The following SLC12A2 variants were observed in gnomAD, a reference collection of about 807,000 sequenced individuals.
SLC12A2 encodes Na-K-2Cl cotransporter 1.
A neutral mutation model predicts 136.3 loss-of-function variants in SLC12A2; 67 were observed. The ratio of observed to expected loss-of-function variants is 0.49; its 90% CI spans 0.40 to 0.60. The LOEUF (loss-of-function observed/expected upper bound fraction) is 0.60, where lower values mean the gene tolerates loss of function less well. SLC12A2 is among the 20% of genes least tolerant of loss of function. The probability of loss-of-function intolerance (pLI) is 0.00; values close to 1 mark genes in which losing one functional copy is unlikely to be tolerated. For missense variants in SLC12A2, 1,322 were observed against 1,534.7 expected (o/e 0.86, Z 2.32); for synonymous variants, 619 against 562.9 (o/e 1.10, Z -1.41).
At chr5:128,168,057 T>C in intron 18 of SLC12A2, 190 bp downstream of exon 18, 1 of 473,248 alleles carries the variant, frequency 2.1e-6, no homozygotes, top group Non-Finnish European at 3.7e-6. Context: ...TCTTTATATG[T>C]CTCTTTACAT....
Position 128,180,905 on chromosome 5 carries a change from C to A in SLC12A2, c.3123C>A (p.Tyr1041Ter), listed in dbSNP as rs866422362. Reference sequence around the variant, plus strand: ...CAGGTTTGACCTTATTGATACCTTACCTTCTGACGACCAAGAAAAAATGGA... The same window carrying A: ...CAGGTTTGACCTTATTGATACCTTAACTTCTGACGACCAAGAAAAAATGGA... ...DDGGLTLLIPYLLTTKKKWKD... is the reference protein window; with the variant it reads ...DDGGLTLLIP Residue 1041 changes from tyrosine (Y) to a stop codon, truncating the protein, a stop_gained, in exon 23 of 27, where the codon TAC becomes TAA. Coordinates refer to ENST00000262461, the MANE Select transcript of SLC12A2 (RefSeq NM_001046.3). LOFTEE classifies it high-confidence loss of function. 6.2e-7 allele frequency: 1 copy of A among 1,605,938 alleles called. No individual in the cohort carries two copies. Among genetic ancestry groups the A allele is most frequent in the Non-Finnish European group, 8.5e-7 (1 of 1,173,068 alleles).
At chr5:128,134,746 T>C (rs889992475) in intron 6 of SLC12A2, among the ~76,000 whole-genome samples, 1 of 152,070 alleles carries the variant, frequency 6.6e-6, no homozygotes, top group African/African-American at 2.4e-5. Context: ...TAAAGTCACA[T>C]GTTACCCATA....
intron 2 of SLC12A2, among the ~76,000 whole-genome samples, chr5:128,114,000 A>G (rs1324853183): frequency 6.6e-6 from 1 of 152,186 alleles, no homozygotes; most frequent in Admixed American, 6.5e-5. Flanking sequence ...ACACTTTTAT[A>G]TGTTACATTG....
At chr5:128,104,687 A>G (rs1020444733) in intron 1 of SLC12A2, among the ~76,000 whole-genome samples, 2 of 150,734 alleles carry the variant, frequency 1.3e-5, no homozygotes, top group Non-Finnish European at 3.0e-5. Flanking sequence ...AGATATAGAT[A>G]TAGATATATA....
intron 10 of SLC12A2, among the ~76,000 whole-genome samples, 193 bp from the exon 11 acceptor site, chr5:128,147,428 AG>A (rs950443675): frequency 6.6e-6 from 1 of 151,672 alleles, no homozygotes; most frequent in African/African-American, 2.4e-5. Context: ...ACGAATGAAA[AG>A]GTTTTCTTAA....
intron 4 of SLC12A2, among the ~76,000 whole-genome samples, chr5:128,123,904 G>A (rs188274146): frequency 3.1e-4 from 47 of 152,222 alleles, no homozygotes; most frequent in African/African-American, 1.1e-3. Context: ...TCTTCTAGAG[G>A]TTTTACAGCT....
intron 11 of SLC12A2, among the ~76,000 whole-genome samples, chr5:128,148,138 T>C (rs981400408): frequency 5.3e-5 from 8 of 151,750 alleles, no homozygotes; most frequent in African/African-American, 1.9e-4. Context: ...CCTAACGTGA[T>C]ATACACATTG....
rs1309525784 is a variant in SLC12A2, at chr5:128,084,713, G to A, written c.756+3G>A. ...AGCTCCACGACGAGCTGGAAAAGGT[G>A]AGCTCGCCCAGCCCTCCCTTCTTCC... On this transcript the variant is annotated splice_donor_region_variant and intron_variant, in intron 1 of 26. Transcript: ENST00000262461. The surrounding 1 kb of genome is among the most constrained non-coding windows in gnomAD (Gnocchi z 5.6). 6.3e-7 allele frequency: 1 copy of A among 1,578,358 alleles called. No individual in the cohort carries two copies. Among genetic ancestry groups the A allele is most frequent in the Middle Eastern group, 1.7e-4 (1 of 5,970 alleles).
chr5:128,168,087 TACACAC>T, intron 18 of SLC12A2: 1 of 300,252 alleles, frequency 3.3e-6, no homozygotes, highest in South Asian at 6.2e-5. Context: ...TATATATATA[TACACAC>T]ACACACACAT....
At chr5:128,099,616 A>C (rs985875268) in intron 1 of SLC12A2, among the ~76,000 whole-genome samples, 17 of 152,216 alleles carry the variant, frequency 1.1e-4, no homozygotes, top group African/African-American at 3.6e-4. Context: ...AAACACAGAC[A>C]TATTGTACAA....
Position 128,171,888 on chromosome 5 carries a change from T to A in SLC12A2, c.2803+142T>A, listed in dbSNP as rs1763386583. On this transcript the variant is annotated intron_variant, in intron 19 of 26. Transcript: ENST00000262461. The stretch of plus-strand genomic sequence containing the variant: ...TATTGTATGGCATTTTAAGATCACA[T>A]CTGTTTGGCTCCACTAAAGTTTGTG... The A allele has an allele frequency of 9.4e-6, 5 of 529,632 alleles. 1 individual carries two copies. The South Asian group carries it at 1.6e-4, about 17-fold the overall frequency. 32.8% of individuals were successfully genotyped at this position (529,632 alleles called of 1,614,324 possible).
intron 10 of SLC12A2, among the ~76,000 whole-genome samples, chr5:128,142,637 GTT>G (rs1296521428): frequency 6.6e-6 from 1 of 152,028 alleles, no homozygotes; most frequent in Non-Finnish European, 1.5e-5. Context: ...GTATGGGTCT[GTT>G]TTTGGATTCT....
intron 26 of SLC12A2, 95 bp from the exon 27 acceptor site, chr5:128,186,401 G>T: frequency 8.3e-7 from 1 of 1,208,030 alleles, no homozygotes; most frequent in Non-Finnish European, 1.2e-6. Flanking sequence ...TACAGTAACT[G>T]TTATTGTAAT....
rs1759899521 is a variant in SLC12A2 at position 128,083,914 on chromosome 5, C to A, written c.-41C>A. On this transcript the variant is annotated 5_prime_UTR_variant, in exon 1 of 27. Coordinates refer to ENST00000262461, the MANE Select transcript of SLC12A2 (RefSeq NM_001046.3). ...GGTGTGGAGGGCGTGCTGCCGGAGA[C>A]GTCCGCCGGGCTCTGCAGTTCCGCC... The A allele has an allele frequency of 1.6e-6, 2 of 1,215,376 alleles. No homozygotes were observed. Among genetic ancestry groups the A allele is most frequent in the Non-Finnish European group, 2.0e-6 (2 of 976,618 alleles). The allele number at this position is 1,215,376 out of a possible 1,614,324, so 75.3% of individuals were successfully genotyped here. A position where few individuals can be genotyped will look rare whatever the true frequency, so the allele number is the denominator to read the frequency against.
At chr5:128,145,443 A>G (rs559906697) in intron 10 of SLC12A2, among the ~76,000 whole-genome samples, 6 of 152,208 alleles carry the variant, frequency 3.9e-5, no homozygotes, top group South Asian at 2.1e-4. Flanking sequence ...GTCCTTTACA[A>G]TCTCCTTCCC....
chr5:128,138,664 C>T lies in SLC12A2; in HGVS notation c.1476C>T (p.Ala492=). The part of the protein sequence containing the change: ...REEETFFSVF[A]IFFPAATGIL... The stretch of plus-strand genomic sequence containing the variant: ...AAGAGACTTTCTTTTCTGTATTTGC[C>T]ATCTTTTTTCCTGCTGCAACTGGTA... The change falls in exon 8 of 27, where the codon GCC becomes GCT. Residue 492 remains alanine (A), a synonymous_variant. Coordinates refer to ENST00000262461, the MANE Select transcript of SLC12A2 (RefSeq NM_001046.3). The T allele has an allele frequency of 6.2e-7, 1 of 1,613,494 alleles. No homozygotes were observed. The highest frequency in any genetic ancestry group is 8.5e-7 in the Non-Finnish European group (1 of 1,179,694).
At chr5:128,125,608 A>G (rs1761758776) in intron 4 of SLC12A2, among the ~76,000 whole-genome samples, 1 of 151,594 alleles carries the variant, frequency 6.6e-6, no homozygotes, top group South Asian at 2.1e-4. Flanking sequence ...TTGTCTTACC[A>G]TTTTTATCAT....
intron 4 of SLC12A2, among the ~76,000 whole-genome samples, chr5:128,130,147 A>T (rs929662940): frequency 8.6e-5 from 13 of 152,016 alleles, no homozygotes; most frequent in African/African-American, 3.1e-4. Context: ...GTGGTGGCTC[A>T]CACCTGTGAT....
chr5:128,095,097 T>C (rs1268736712), intron 1 of SLC12A2, among the ~76,000 whole-genome samples: 1 of 152,174 alleles, frequency 6.6e-6, no homozygotes, highest in Non-Finnish European at 1.5e-5. Flanking sequence ...GAGTCTAATG[T>C]TCTTCTAATT....
Sources: gnomAD v4.1 joint callset for allele counts (sites outside exome capture counted in the v4.1 genomes callset) on GRCh38, gnomAD v4.1.1 for gene constraint, Gnocchi (gnomAD v3.1) non-coding constraint, MANE v1.5 for transcripts, NCBI Gene and HGNC (gene_info 2026-07-23, HGNC 2026-07-21) for gene names.